Variants in UBN2 observed in about 807,000 individuals in gnomAD.
UBN2 encodes ubinuclein-2.
Under a neutral mutation model 120.2 loss-of-function variants are expected in UBN2, and 35 were observed. The ratio of observed to expected loss-of-function variants is 0.29; its 90% CI spans 0.22 to 0.39. UBN2 has a LOEUF of 0.39. UBN2 is among the 10% of genes least tolerant of loss of function. The pLI, the probability that UBN2 is intolerant of heterozygous loss-of-function variation, is 1.00. For synonymous variants in UBN2, 661 were observed against 648.7 expected (o/e 1.02, Z -0.29); for missense variants, 1,693 against 1,663.2 (o/e 1.02, Z -0.31).
the UBN2 span, among the ~76,000 whole-genome samples, chr7:139,320,714 A>G: frequency 0.039 from 5,779 of 149,874 alleles, 166 homozygotes; most frequent in African/African-American, 0.069. Flanking sequence ...AAAATTAGCC[A>G]GACATGGTAG....
chr7:139,234,324 A>G (rs142871064), intron 1 of UBN2, among the ~76,000 whole-genome samples: 32 of 152,336 alleles, frequency 2.1e-4, no homozygotes, highest in Admixed American at 1.4e-3. Context: ...GGTGTGTTAC[A>G]TATGGATACC....
At chr7:139,235,134 G>A (rs938627587) in intron 1 of UBN2, among the ~76,000 whole-genome samples, 1 of 152,002 alleles carries the variant, frequency 6.6e-6, no homozygotes, top group Non-Finnish European at 1.5e-5. Context: ...TGGCATATAA[G>A]GTGATTCTTA....
At chr7:139,273,456 A>G in intron 10 of UBN2, 46 bp downstream of exon 10, 1 of 1,274,084 alleles carries the variant, frequency 7.8e-7, no homozygotes, top group South Asian at 1.7e-5. Context: ...TGCAGAAGTA[A>G]GATTCCTCAT....
the UBN2 span, among the ~76,000 whole-genome samples, chr7:139,318,860 G>A: frequency 6.6e-6 from 1 of 152,082 alleles, no homozygotes; most frequent in Non-Finnish European, 1.5e-5. Flanking sequence ...CATGCGCGTG[G>A]TAAGGGCTAG....
chr7:139,293,548 C>T, intron 16 of UBN2, 85 bp downstream of exon 16: 1 of 1,111,290 alleles, frequency 9.0e-7, no homozygotes, highest in African/African-American at 1.6e-5. Flanking sequence ...AAGAGTAGTC[C>T]AGTTGGAGTT....
rs536257167 is a variant in UBN2 at position 139,304,985 on chromosome 7, C to T, written c.*7149C>T. The T allele has an allele frequency of 3.3e-5, 5 of 152,134 alleles. No homozygotes were observed. In the South Asian group the frequency reaches 6.2e-4, roughly 19 times the overall value. 9.4% of individuals were successfully genotyped at this position (152,134 alleles called of 1,614,324 possible). The stretch of plus-strand genomic sequence containing the variant: ...AGAGATACTTTGTGTGTTCATCTAT[C>T]GTAAAATGTGAACTCTGTATTCAAA... On this transcript the variant is annotated 3_prime_UTR_variant, in exon 18 of 18. Transcript: ENST00000473989.
At chr7:139,253,576 T>G (rs984534379) in intron 3 of UBN2, among the ~76,000 whole-genome samples, 12 of 152,346 alleles carry the variant, frequency 7.9e-5, no homozygotes, top group African/African-American at 2.9e-4. Context: ...AGTGCCAGTC[T>G]TTATCACCAG....
Position 139,300,298 on chromosome 7 carries a change from A to G in UBN2, c.*2462A>G, listed in dbSNP as rs10255774. The G allele has an allele frequency of 0.093, 14,212 of 152,002 alleles. 1,169 individuals carry two copies. The highest frequency in any genetic ancestry group is 0.21 in the Admixed American group (3,232 of 15,244). 9.4% of individuals were successfully genotyped at this position (152,002 alleles called of 1,614,324 possible). A position where few individuals can be genotyped will look rare whatever the true frequency, so the allele number is the denominator to read the frequency against. On this transcript the variant is annotated 3_prime_UTR_variant, in exon 18 of 18. Transcript: ENST00000473989. ...CTGACGACTTACATTCATTTCAGTC[A>G]GGACCCCCCTTTTATGTTGTATGAA...
chr7:139,308,137 C>T lies in UBN2; in HGVS notation c.*10301C>T, dbSNP rs1372894360. 1 of 151,268 alleles carries T rather than the reference C, an allele frequency of 6.6e-6. No individual in the cohort carries two copies. The highest frequency in any genetic ancestry group is 2.4e-5 in the African/African-American group (1 of 41,104). The allele number at this position is 151,268 out of a possible 1,614,324, so 9.4% of individuals were successfully genotyped here. On this transcript the variant is annotated 3_prime_UTR_variant, in exon 18 of 18. Coordinates refer to ENST00000473989, the MANE Select transcript of UBN2 (RefSeq NM_173569.4). ...TTATTTGATTCAGTGTAGATGTTTC[C>T]TGTCTATCCTTTGTGACAGGGCCTT...
chr7:139,236,777 A>T (rs1416949253), intron 1 of UBN2, among the ~76,000 whole-genome samples: 1 of 151,584 alleles, frequency 6.6e-6, no homozygotes, highest in Admixed American at 6.6e-5. Flanking sequence ...ACTTGTTAGT[A>T]TTAGGAAAAG....
chr7:139,259,763 AT>A (rs1488759531), intron 5 of UBN2, among the ~76,000 whole-genome samples: 1 of 152,178 alleles, frequency 6.6e-6, no homozygotes, highest in African/African-American at 2.4e-5. Context: ...GATTTGATTG[AT>A]TTGAGACAGA....
the UBN2 span, among the ~76,000 whole-genome samples, chr7:139,316,077 C>CAAAAAAA: frequency 7.6e-3 from 108 of 14,172 alleles, 25 homozygotes; most frequent in African/African-American, 0.015. Context: ...GACTTCGTCT[C>CAAAAAAA]AAAAAAAAAA....
Position 139,231,494 on chromosome 7 carries a change from C to A in UBN2, c.10C>A (p.Pro4Thr). 7.2e-7 allele frequency: 1 copy of A among 1,391,020 alleles called. No homozygotes were observed. Among genetic ancestry groups the A allele is most frequent in the Non-Finnish European group, 9.4e-7 (1 of 1,064,178 alleles). The allele number at this position is 1,391,020 out of a possible 1,614,324, so 86.2% of individuals were successfully genotyped here. ...GGCCAGAACAGTGGGGATGGCGGAG[C>A]CGCGCAGAGTAGCGTTCATTAGCTT... MAE[P>T]RRVAFISLSP... Residue 4 changes from proline to threonine, a missense_variant, in exon 1 of 18, where the codon CCG (proline) becomes ACG (threonine). Coordinates refer to ENST00000473989, the MANE Select transcript of UBN2 (RefSeq NM_173569.4).
chr7:139,293,821 T>G (rs934939794), intron 16 of UBN2, 68 bp from the exon 17 acceptor site: 5 of 1,465,434 alleles, frequency 3.4e-6, no homozygotes, highest in Non-Finnish European at 3.8e-6. Flanking sequence ...TAAATCAGTT[T>G]TCATTTTTGA....
At chr7:139,234,082 T>A (rs1015588728) in intron 1 of UBN2, among the ~76,000 whole-genome samples, 5 of 152,072 alleles carry the variant, frequency 3.3e-5, no homozygotes, top group African/African-American at 1.2e-4. Flanking sequence ...AAACATATGT[T>A]TAAGTAAAAT....
In UBN2 at chr7:139,289,414, C is replaced by CTTTTTTTTTTTTTTTTTTTTTT. The variant is rs1161484759; in HGVS notation, c.3670-3802_3670-3801insTTTTTTTTTTTTTTTTTTTTTT. On this transcript the variant is annotated intron_variant, in intron 15 of 17. Transcript: ENST00000473989. ...ATTGCCCTCCCTAATTTACATTTTG[C>CTTTTTTTTTTTTTTTTTTTTTT]TTTTTTTTTTTTTTTTGAGACAGGG... Among the ~76,000 whole-genome samples the CTTTTTTTTTTTTTTTTTTTTTT allele has an allele frequency of 2.7e-4, 34 of 125,778 alleles. 2 individuals are homozygous for CTTTTTTTTTTTTTTTTTTTTTT. Among genetic ancestry groups the CTTTTTTTTTTTTTTTTTTTTTT allele is most frequent in the African/African-American group, 6.2e-4 (20 of 32,164 alleles). 82.5% of individuals were successfully genotyped at this position (125,778 alleles called of 152,430 possible).
At chr7:139,272,489 G>A (rs1160057508) in intron 9 of UBN2, 49 bp downstream of exon 9, 6 of 1,271,858 alleles carry the variant, frequency 4.7e-6, no homozygotes, top group Non-Finnish European at 6.6e-6. Context: ...AGAAGTGTAT[G>A]TACGTTATGT....
intron 2 of UBN2, among the ~76,000 whole-genome samples, chr7:139,246,911 C>T (rs1796485555): frequency 6.6e-6 from 1 of 152,116 alleles, no homozygotes; most frequent in Admixed American, 6.6e-5. Context: ...AGCAGTAATC[C>T]ACTGTATTCC....
At chr7:139,246,257 C>T (rs1475866662) in intron 2 of UBN2, among the ~76,000 whole-genome samples, 4 of 152,018 alleles carry the variant, frequency 2.6e-5, no homozygotes, top group East Asian at 3.9e-4. Flanking sequence ...CCCAGCTACT[C>T]GGGAGGCTGA....
Sources: gnomAD v4.1 joint callset for allele counts (sites outside exome capture counted in the v4.1 genomes callset) on GRCh38, gnomAD v4.1.1 for gene constraint, MANE v1.5 for transcripts, NCBI Gene and HGNC (gene_info 2026-07-23, HGNC 2026-07-21) for gene names.